The following UNC79 variants were observed in gnomAD, a reference collection of about 807,000 sequenced individuals.
UNC79 encodes the protein unc-79 subunit of NALCN channel complex.
In UNC79, 37 loss-of-function variants were observed where a neutral mutation model predicts 283.1. The observed-to-expected ratio is 0.13, with a 90% CI of 0.10 to 0.17. UNC79 has a LOEUF of 0.17. UNC79 is among the 10% of genes least tolerant of loss of function. The pLI is 1.00. For missense variants in UNC79, 2,272 were observed against 3,211.1 expected (o/e 0.71, Z 7.07); for synonymous variants, 1,107 against 1,200.2 (o/e 0.92, Z 1.61).
chr14:93,625,564 T>G (rs2067507526), intron 30 of UNC79, among the ~76,000 whole-genome samples: 1 of 152,232 alleles, frequency 6.6e-6, no homozygotes, highest in Non-Finnish European at 1.5e-5. Flanking sequence ...GACCTTATTA[T>G]TTGCCAATAA....
chr14:93,663,243 T>G (rs2140469178), intron 40 of UNC79, among the ~76,000 whole-genome samples: 1 of 152,332 alleles, frequency 6.6e-6, no homozygotes, highest in South Asian at 2.1e-4. Context: ...ATGGTTTCTC[T>G]ATTGCATTAT....
intron 47 of UNC79, among the ~76,000 whole-genome samples, chr14:93,700,211 A>G (rs2075428354): frequency 6.6e-6 from 1 of 151,508 alleles, no homozygotes; most frequent in African/African-American, 2.4e-5. Context: ...TGTCTTTGCC[A>G]CTATGGTTAA....
At chr14:93,403,240 C>T (rs1230427387) in intron 1 of UNC79, among the ~76,000 whole-genome samples, 4 of 152,152 alleles carry the variant, frequency 2.6e-5, no homozygotes, top group Non-Finnish European at 5.9e-5. Context: ...GCATTTTTCT[C>T]GTGTAAGCAG....
intron 34 of UNC79, among the ~76,000 whole-genome samples, chr14:93,644,423 A>G (rs1396228072): frequency 6.6e-6 from 1 of 152,210 alleles, no homozygotes; most frequent in East Asian, 1.9e-4. Flanking sequence ...TAACATTTCC[A>G]ATCTGTGTGA....
intron 1 of UNC79, among the ~76,000 whole-genome samples, chr14:93,392,538 A>C (rs2054905376): frequency 6.6e-6 from 1 of 152,208 alleles, no homozygotes; most frequent in African/African-American, 2.4e-5. Flanking sequence ...TATTTATGCA[A>C]TGACTCTTCA....
chr14:93,620,754 A>C (rs747700467), intron 29 of UNC79, 138 bp from the exon 31 acceptor site: 12 of 274,596 alleles, frequency 4.4e-5, no homozygotes, highest in Non-Finnish European at 8.8e-5. Context: ...TGAAATACCA[A>C]CCCATGGCTA....
chr14:93,342,545 T>C (rs778452786), intron 1 of UNC79, among the ~76,000 whole-genome samples: 4 of 152,242 alleles, frequency 2.6e-5, no homozygotes, highest in Admixed American at 6.5e-5. Context: ...CATTGACATT[T>C]GGCCTCTCTT....
chr14:93,637,184 A>C, intron 31 of UNC79, 32 bp from the exon 35 acceptor site: 2 of 981,482 alleles, frequency 2.0e-6, no homozygotes, highest in Non-Finnish European at 3.3e-6. Flanking sequence ...AGATGACCAC[A>C]TCAAAGACTG....
In UNC79 at chr14:93,691,958, GA is replaced by G; in HGVS notation, c.7470+13del. On this transcript the variant is annotated intron_variant, in intron 46 of 48. Coordinates refer to ENST00000555664, the Ensembl canonical transcript of UNC79. ...CCCATAACAAAGTGGTGAGTTCACA[GA>G]CGAGTTTCCCTTCTGAGATGGAATC... 6.2e-7 allele frequency: 1 copy of G among 1,613,258 alleles called. No homozygotes were observed.
chr14:93,653,267 A>T (rs1438758838), intron 35 of UNC79, among the ~76,000 whole-genome samples: 1 of 152,026 alleles, frequency 6.6e-6, no homozygotes, highest in East Asian at 1.9e-4. Context: ...GTCAGCTCAG[A>T]TGCCCAAAGA....
intron 1 of UNC79, among the ~76,000 whole-genome samples, chr14:93,356,487 T>TCAGG (rs1356740615): frequency 6.6e-6 from 1 of 152,256 alleles, no homozygotes; most frequent in African/African-American, 2.4e-5. Flanking sequence ...AAAGCACTTC[T>TCAGG]CAGGCACTTC....
At chr14:93,470,315 A>C (rs2057437310) in intron 2 of UNC79, among the ~76,000 whole-genome samples, 3 of 152,340 alleles carry the variant, frequency 2.0e-5, no homozygotes, top group African/African-American at 7.2e-5. Context: ...CCTATTTCAA[A>C]AGGCAGAAAT....
In UNC79 at chr14:93,618,236, G is replaced by C. The variant is rs781273074; in HGVS notation, c.4269G>C (p.Leu1423=). 4 of 1,613,730 alleles carry C rather than the reference G, an allele frequency of 2.5e-6. No individual in the cohort carries two copies. The Admixed American group carries it at 6.7e-5, about 27-fold the overall frequency. The change falls in exon 29 of 49, where the codon CTG becomes CTC. Residue 1423 remains leucine, a synonymous_variant. Coordinates refer to ENST00000555664, the Ensembl canonical transcript of UNC79. ...ATATCAGCAAGATCCTGCTGCATCT[G>C]ATTCACATAACAGTCAATACACTCA...
chr14:93,647,756 C>G (rs1383948160), intron 35 of UNC79, among the ~76,000 whole-genome samples: 1 of 152,148 alleles, frequency 6.6e-6, no homozygotes, highest in African/African-American at 2.4e-5. Context: ...CACTTTCACA[C>G]TGCTGATAAT....
At chr14:93,596,621 T>C (rs759869591) in intron 23 of UNC79, among the ~76,000 whole-genome samples, 53 of 152,138 alleles carry the variant, frequency 3.5e-4, no homozygotes, top group Non-Finnish European at 5.6e-4. Flanking sequence ...GGCAACAGAG[T>C]GAGACTCCAT....
exon 16 of UNC79, chr14:93,572,759 T>C: frequency 6.2e-7 from 1 of 1,614,190 alleles, no homozygotes; most frequent in South Asian, 1.1e-5. Context: ...GTTTTATTAG[T>C]TGTCGGTTTA....
intron 41 of UNC79, among the ~76,000 whole-genome samples, chr14:93,680,072 C>T (rs1303611656): frequency 6.6e-6 from 1 of 152,164 alleles, no homozygotes; most frequent in African/African-American, 2.4e-5. Context: ...CTTTTATTTC[C>T]TTTAATATGC....
chr14:93,539,261 G>A (rs539765580), intron 12 of UNC79, among the ~76,000 whole-genome samples: 1 of 147,842 alleles, frequency 6.8e-6, no homozygotes, highest in African/African-American at 2.5e-5. Flanking sequence ...AGTGGCTCGC[G>A]CCTGTAATCC....
intron 37 of UNC79, 29 bp downstream of exon 40, chr14:93,654,054 C>T (rs1363222600): frequency 6.2e-7 from 1 of 1,606,506 alleles, no homozygotes; most frequent in Non-Finnish European, 8.5e-7. Flanking sequence ...CACCCTAAGC[C>T]CCAGCCGAAA....
Sources: gnomAD v4.1 joint callset for allele counts (sites outside exome capture counted in the v4.1 genomes callset) on GRCh38, gnomAD v4.1.1 for gene constraint, MANE v1.5 for transcripts, NCBI Gene and HGNC (gene_info 2026-07-23, HGNC 2026-07-21) for gene names.